FLYWCH1: variants seen among roughly 807,000 people sequenced by gnomAD.
FLYWCH1 encodes the protein FLYWCH-type zinc finger-containing protein 1.
FLYWCH1 carries 75 observed loss-of-function variants against 66.4 expected under a neutral mutation model. That is an observed-to-expected ratio of 1.13 (90% CI 0.94 to 1.37). FLYWCH1 has a LOEUF of 1.37. FLYWCH1 is among the 40% of genes most tolerant of loss of function. The pLI is 0.00. For synonymous variants in FLYWCH1, 595 were observed against 429.9 expected, an observed-to-expected ratio of 1.38 and a Z score of -4.75; for missense variants, 1,334 against 1,001.8, an observed-to-expected ratio of 1.33 and a Z score of -4.48.
intron 6 of FLYWCH1, chr16:2,936,839 G>C (rs2074358): frequency 0.2 from 122,503 of 617,620 alleles, 15,409 homozygotes; most frequent in East Asian, 0.43. Context: ...GGACGGACGA[G>C]TGACGCAGCA....
intron 2 of FLYWCH1, among the ~76,000 whole-genome samples, chr16:2,926,632 C>T (rs754599299): frequency 2.6e-5 from 4 of 152,210 alleles, no homozygotes; most frequent in African/African-American, 9.6e-5. Context: ...AGAGCCCTAC[C>T]CTGACTTTGT....
intron 2 of FLYWCH1, among the ~76,000 whole-genome samples, chr16:2,926,129 A>T (rs776954779): frequency 1.3e-5 from 2 of 151,894 alleles, no homozygotes; most frequent in Non-Finnish European, 2.9e-5. Context: ...CTGCCTCTCC[A>T]GGCTGGAACC....
At chr16:2,917,731 A>G (rs1217292596) in intron 2 of FLYWCH1, among the ~76,000 whole-genome samples, 1 of 152,084 alleles carries the variant, frequency 6.6e-6, no homozygotes, top group Non-Finnish European at 1.5e-5. Flanking sequence ...TTCACAGTCT[A>G]TCAGTATCAG....
intron 2 of FLYWCH1, chr16:2,922,488 C>T: frequency 4.2e-6 from 1 of 236,614 alleles, no homozygotes; most frequent in Non-Finnish European, 8.3e-6. Context: ...TCCTCCTGCC[C>T]CTGGCACCCC....
chr16:2,933,653 G>A (rs902485117), intron 5 of FLYWCH1, 63 bp from the exon 6 acceptor site: 39 of 1,566,134 alleles, frequency 2.5e-5, no homozygotes, highest in Non-Finnish European at 3.3e-5. Flanking sequence ...GGGAGGGAAG[G>A]GGGTGCGATC....
chr16:2,929,777 C>T lies in FLYWCH1; in HGVS notation c.92C>T (p.Ala31Val). ...SPKPGTDVIP[A>V]APRKPREFSK... is the part of the protein sequence containing the mutation. ...AAGCCAGGCACGGACGTCATCCCGG[C>T]AGCCCCCAGGAAGCCCAGGGAGTTC... The change falls in exon 3 of 10, where the codon GCA becomes GTA. Residue 31 changes from alanine to valine, a missense_variant. Coordinates refer to ENST00000253928, the MANE Select transcript of FLYWCH1 (RefSeq NM_001308068.2). 3.1e-6 allele frequency: 5 copies of T among 1,613,942 alleles called. No homozygotes were observed. Among genetic ancestry groups the T allele is most frequent in the Non-Finnish European group, 4.2e-6 (5 of 1,179,876 alleles).
chr16:2,920,407 C>T (rs956365509), intron 2 of FLYWCH1, among the ~76,000 whole-genome samples: 1 of 151,816 alleles, frequency 6.6e-6, no homozygotes, highest in East Asian at 1.9e-4. Flanking sequence ...CCCAGCTACT[C>T]AGGAGGCTGA....
At chr16:2,912,978 A>G (rs1379713189) in intron 1 of FLYWCH1, 2 of 152,200 alleles carry the variant, frequency 1.3e-5, no homozygotes, top group African/African-American at 4.8e-5. Flanking sequence ...GTGTGATTAT[A>G]TCATGTTTCT....
chr16:2,948,047 GAA>G (rs1173287235), intron 9 of FLYWCH1, among the ~76,000 whole-genome samples: 3 of 151,314 alleles, frequency 2.0e-5, no homozygotes, highest in Non-Finnish European at 4.4e-5. Flanking sequence ...TCTCAAAAAA[GAA>G]AATTAATTAA....
At position 2,949,142 on chromosome 16, in the gene FLYWCH1, G is replaced by T; in HGVS notation, c.*415G>T. On this transcript the variant is annotated 3_prime_UTR_variant, in exon 10 of 10. Transcript: ENST00000253928. The stretch of plus-strand genomic sequence containing the variant: ...GCAAAGTGAATGCTGCTGTCTTGGA[G>T]CCTGGGCACGTTTGGGGAAGTTCCT... The T allele has an allele frequency of 5.1e-6, 1 of 196,550 alleles. No homozygotes were observed. The highest frequency in any genetic ancestry group is 1.0e-5 in the Non-Finnish European group (1 of 95,804). 12.2% of individuals were successfully genotyped at this position (196,550 alleles called of 1,614,324 possible).
intron 7 of FLYWCH1, among the ~76,000 whole-genome samples, chr16:2,937,817 T>TGGCTGGGGGGTA (rs1555487144): frequency 6.6e-6 from 1 of 151,908 alleles, no homozygotes; most frequent in Non-Finnish European, 1.5e-5. Flanking sequence ...AGCTGCCAGC[T>TGGCTGGGGGGTA]GGCTGAGGGG....
At position 2,950,868 on chromosome 16, in the gene FLYWCH1, A is replaced by G. The variant is rs1282863843; in HGVS notation, c.*2141A>G. ...GCCTTGGGTGGCTTCATGGCCACCA[A>G]CCCGCACCCTGGTGGCCACTCAGCC... is the stretch of plus-strand genomic sequence containing the variant. On this transcript the variant is annotated 3_prime_UTR_variant, in exon 10 of 10. Coordinates refer to ENST00000253928, the MANE Select transcript of FLYWCH1 (RefSeq NM_001308068.2). The G allele has an allele frequency of 6.6e-6, 1 of 152,246 alleles. No homozygotes were observed. The highest frequency in any genetic ancestry group is 1.5e-5 in the Non-Finnish European group (1 of 68,044). The allele number at this position is 152,246 out of a possible 1,614,324, so 9.4% of individuals were successfully genotyped here. A position where few individuals can be genotyped will look rare whatever the true frequency, so the allele number is the denominator to read the frequency against.
intron 2 of FLYWCH1, among the ~76,000 whole-genome samples, chr16:2,925,703 T>C (rs1596364762): frequency 6.6e-6 from 1 of 150,926 alleles, no homozygotes; most frequent in East Asian, 2.0e-4. Flanking sequence ...GCGGCATGAG[T>C]AGGCCCAGAA....
chr16:2,940,283 G>A, intron 9 of FLYWCH1, 191 bp downstream of exon 9: 3 of 521,554 alleles, frequency 5.8e-6, no homozygotes, highest in Non-Finnish European at 1.0e-5. Context: ...GCCCAAGTGA[G>A]GCTGGAGGCC....
At chr16:2,939,809 CCACT>C in intron 8 of FLYWCH1, 2 of 447,558 alleles carry the variant, frequency 4.5e-6, no homozygotes, top group Non-Finnish European at 8.0e-6. Context: ...TAGTTGACCC[CCACT>C]ATTTTCCATG....
At chr16:2,940,710 T>G (rs996634589) in intron 9 of FLYWCH1, among the ~76,000 whole-genome samples, 2 of 152,224 alleles carry the variant, frequency 1.3e-5, no homozygotes, top group Non-Finnish European at 2.9e-5. Flanking sequence ...GTGCTGGGAT[T>G]ACAGGCAAGA....
rs760525525 is a variant in FLYWCH1, at chr16:2,937,336, C to G, written c.1729C>G (p.Leu577Val). 1 of 1,597,700 alleles carries G rather than the reference C, an allele frequency of 6.3e-7. No individual in the cohort carries two copies. Among genetic ancestry groups the G allele is most frequent in the East Asian group, 2.2e-5 (1 of 44,504 alleles). The change falls in exon 7 of 10, where the codon CTG (leucine) becomes GTG (valine). Residue 577 changes from leucine (L) to valine (V), a missense_variant. Coordinates refer to ENST00000253928, the MANE Select transcript of FLYWCH1 (RefSeq NM_001308068.2). ...ACCGGACCTGGGCGGCCTGGAGGCC[C>G]TGCGGCAGCGGGAGCACTTCCCCAA... is the stretch of plus-strand genomic sequence containing the variant. Reference protein sequence around the residue: ...HPPDLGGLEALRQREHFPNLA... With the variant: ...HPPDLGGLEAVRQREHFPNLA...
Position 2,933,981 on chromosome 16 carries a change from T to C in FLYWCH1, c.1513+2T>C. The C allele has an allele frequency of 6.6e-7, 1 of 1,521,584 alleles. No homozygotes were observed. The highest frequency in any genetic ancestry group is 8.8e-7 in the Non-Finnish European group (1 of 1,131,722). 94.3% of individuals were successfully genotyped at this position (1,521,584 alleles called of 1,614,324 possible). The stretch of plus-strand genomic sequence containing the variant: ...ACACGGCGCAGCGGGGGAGCCCAGG[T>C]ACCTGGGGGTGGGCTGGGAGCTGGG... On this transcript the variant is annotated splice_donor_variant, in intron 6 of 9. Coordinates refer to ENST00000253928, the MANE Select transcript of FLYWCH1 (RefSeq NM_001308068.2). LOFTEE classifies it high-confidence loss of function.
At chr16:2,933,054 CCA>C in intron 4 of FLYWCH1, 74 bp from the exon 5 acceptor site, 1 of 1,324,450 alleles carries the variant, frequency 7.6e-7, no homozygotes, top group Non-Finnish European at 1.0e-6. Flanking sequence ...GTGTCAGCCC[CCA>C]CAGTCTGCAG....
Sources: allele counts gnomAD v4.1 joint callset (sites outside exome capture counted in the v4.1 genomes callset), GRCh38; gene constraint gnomAD v4.1.1; transcripts MANE v1.5; gene names NCBI Gene and HGNC (gene_info 2026-07-23, HGNC 2026-07-21).